Variants in ATP2C2 observed in about 807,000 individuals in gnomAD.
The protein encoded by ATP2C2 is ATPase secretory pathway Ca2+ transporting 2.
ATP2C2 carries 171 observed loss-of-function variants against 110.8 expected under a neutral mutation model. The observed-to-expected ratio is 1.54, with a 90% confidence interval of 1.36 to 1.75. The LOEUF (loss-of-function observed/expected upper bound fraction) is 1.75, where lower values mean the gene tolerates loss of function less well. Ranked by LOEUF, ATP2C2 falls within the 40% of genes most tolerant of loss-of-function variation. The pLI is 0.00. For synonymous variants in ATP2C2, 804 were observed against 508.4 expected (o/e 1.58, Z -7.82); for missense variants, 1,963 against 1,235.0 (o/e 1.59, Z -8.84).
At chr16:84,438,825 C>T (rs1166544194) in intron 11 of ATP2C2, among the ~76,000 whole-genome samples, 1 of 152,202 alleles carries the variant, frequency 6.6e-6, no homozygotes, top group East Asian at 1.9e-4. Context: ...TTGGGAATTC[C>T]TTTTATGGAA....
chr16:84,376,045 A>T (rs1288032447), intron 1 of ATP2C2, among the ~76,000 whole-genome samples: 3 of 152,120 alleles, frequency 2.0e-5, no homozygotes, highest in Non-Finnish European at 4.4e-5. Flanking sequence ...GTGGCGGTGT[A>T]TGAGCGGTGC....
intron 6 of ATP2C2, among the ~76,000 whole-genome samples, chr16:84,413,930 C>T (rs1203541837): frequency 6.6e-6 from 1 of 152,142 alleles, no homozygotes; most frequent in Admixed American, 6.5e-5. Context: ...ACCTCACATT[C>T]CTACCAAGGG....
rs369563382 is a variant in ATP2C2, at chr16:84,408,596, G to C, written c.417+102G>C. On this transcript the variant is annotated intron_variant, in intron 4 of 26. Transcript: ENST00000262429. Reference sequence around the variant, plus strand: ...AAGAAAAAAAAGAGTTTGCTGTAGGGGGGAAAAAGGAGCATACAGAAGAAA... The same window carrying C: ...AAGAAAAAAAAGAGTTTGCTGTAGGCGGGAAAAAGGAGCATACAGAAGAAA... 7 of 883,130 alleles carry C rather than the reference G, an allele frequency of 7.9e-6. No homozygotes were observed. The African/African-American group carries it at 1.2e-4, about 15-fold the overall frequency. The allele number at this position is 883,130 out of a possible 1,614,324, so 54.7% of individuals were successfully genotyped here.
At chr16:84,443,961 G>GT (rs1251722243) in intron 15 of ATP2C2, among the ~76,000 whole-genome samples, 2 of 152,152 alleles carry the variant, frequency 1.3e-5, no homozygotes, top group Non-Finnish European at 2.9e-5. Flanking sequence ...GAGGCCAAGA[G>GT]TTTGAGACCA....
rs559459478 is a variant in ATP2C2 at position 84,393,194 on chromosome 16, A to G, written c.100-5305A>G. Among the ~76,000 whole-genome samples the G allele has an allele frequency of 1.8e-4, 28 of 152,330 alleles. No homozygotes were observed. The South Asian group carries it at 5.8e-3, about 32-fold the overall frequency. On this transcript the variant is annotated intron_variant, in intron 1 of 26. Transcript: ENST00000262429. ...AACAGAGTGGACAATCCTGTTTTCA[A>G]CAAAGGATACATTAAGTGCCATTTA...
intron 2 of ATP2C2, chr16:84,404,802 C>G: frequency 2.8e-6 from 1 of 362,020 alleles, no homozygotes; most frequent in Non-Finnish European, 5.3e-6. Context: ...TTTTACATTC[C>G]CAAGACCTTT....
At chr16:84,420,813 T>C (rs1907265596) in intron 7 of ATP2C2, among the ~76,000 whole-genome samples, 1 of 152,112 alleles carries the variant, frequency 6.6e-6, no homozygotes, top group Non-Finnish European at 1.5e-5. Flanking sequence ...GTTTCGGTTT[T>C]GTTTTTGTTT....
At chr16:84,420,515 T>C (rs1907237065) in intron 7 of ATP2C2, among the ~76,000 whole-genome samples, 1 of 151,700 alleles carries the variant, frequency 6.6e-6, no homozygotes, top group Admixed American at 6.6e-5. Context: ...TAGAAATGTT[T>C]TAGATTTGTG....
chr16:84,371,133 G>A (rs1909929576), intron 1 of ATP2C2, among the ~76,000 whole-genome samples: 1 of 152,226 alleles, frequency 6.6e-6, no homozygotes, highest in South Asian at 2.1e-4. Context: ...TAGAGGACCA[G>A]ACAGAGGACT....
intron 1 of ATP2C2, among the ~76,000 whole-genome samples, chr16:84,387,328 C>T (rs1904371700): frequency 6.6e-6 from 1 of 152,090 alleles, no homozygotes; most frequent in Non-Finnish European, 1.5e-5. Context: ...TCAAGACCAG[C>T]CTGACCAACA....
intron 11 of ATP2C2, among the ~76,000 whole-genome samples, chr16:84,426,748 A>G (rs1308585721): frequency 1.3e-5 from 2 of 152,204 alleles, no homozygotes; most frequent in Non-Finnish European, 2.9e-5. Context: ...CTTGTCTTAC[A>G]GAGGAGGCTA....
rs746453029 is a variant in ATP2C2, at chr16:84,461,742, G to C, written c.2510G>C (p.Arg837Pro). The change falls in exon 25 of 27, where the codon CGC (arginine) becomes CCC (proline). Residue 837 changes from arginine (R) to proline (P), a missense_variant. Physicochemically the swap from Arg to Pro is moderately radical, Grantham distance 103. Transcript: ENST00000262429. ...EMPEDRASTPRTTTMTFTCFV... is the reference protein window; with the variant it reads ...EMPEDRASTPPTTTMTFTCFV... ...CCTGAAGACAGAGCAAGCACTCCCC[G>C]CACCACGACGATGACGTTCACTTGT... 6.2e-7 allele frequency: 1 copy of C among 1,614,160 alleles called. No individual in the cohort carries two copies. Among genetic ancestry groups the C allele is most frequent in the Non-Finnish European group, 8.5e-7 (1 of 1,180,000 alleles).
rs759080438 is a variant in ATP2C2 at position 84,440,947 on chromosome 16, A to G, written c.1300A>G (p.Lys434Glu). The change falls in exon 14 of 27, where the codon AAG becomes GAG. Residue 434 changes from lysine to glutamate, a missense_variant. Coordinates refer to ENST00000262429, the MANE Select transcript of ATP2C2 (RefSeq NM_014861.4). ...IKEFSNVSVG[K>E]LVEAGCVANN... ...GGAATTTTCCAATGTCTCAGTGGGA[A>G]AGTTAGTGGAGGTAGGTGTCAAAAG... 1 of 1,611,386 alleles carries G rather than the reference A, an allele frequency of 6.2e-7. No homozygotes were observed. The highest frequency in any genetic ancestry group is 1.3e-5 in the African/African-American group (1 of 74,864).
chr16:84,423,321 G>C (rs1274687872), intron 10 of ATP2C2, 58 bp downstream of exon 10: 2 of 1,517,592 alleles, frequency 1.3e-6, no homozygotes, highest in African/African-American at 1.4e-5. Context: ...AGCCATCATA[G>C]GGGGGTTGCC....
At chr16:84,460,163 A>T (rs1420373352) in intron 23 of ATP2C2, 7 of 200,792 alleles carry the variant, frequency 3.5e-5, no homozygotes, top group Admixed American at 1.6e-4. Flanking sequence ...CAGAAGTGGG[A>T]CCAGGAAGCT....
intron 1 of ATP2C2, among the ~76,000 whole-genome samples, chr16:84,372,334 C>T (rs1186620571): frequency 6.6e-6 from 1 of 152,200 alleles, no homozygotes; most frequent in African/African-American, 2.4e-5. Flanking sequence ...CTCATGCACA[C>T]ACAACTTTAA....
At chr16:84,427,528 C>G (rs1404844014) in intron 11 of ATP2C2, among the ~76,000 whole-genome samples, 1 of 152,092 alleles carries the variant, frequency 6.6e-6, no homozygotes, top group Non-Finnish European at 1.5e-5. Context: ...ACCAGTCTGG[C>G]CAACATGGTG....
chr16:84,396,390 A>AC (rs373463852), intron 1 of ATP2C2, among the ~76,000 whole-genome samples: 4 of 151,772 alleles, frequency 2.6e-5, no homozygotes, highest in African/African-American at 9.7e-5. Flanking sequence ...TACTAAAAAT[A>AC]CAAAAACAAA....
At chr16:84,433,423 C>A (rs1236279618) in intron 11 of ATP2C2, among the ~76,000 whole-genome samples, 1 of 151,110 alleles carries the variant, frequency 6.6e-6, no homozygotes, top group Non-Finnish European at 1.5e-5. Context: ...CCAAAAAAAT[C>A]TCCTGCAGAT....
Sources: gnomAD v4.1 joint callset for allele counts (sites outside exome capture counted in the v4.1 genomes callset) on GRCh38, gnomAD v4.1.1 for gene constraint, MANE v1.5 for transcripts, NCBI Gene and HGNC (gene_info 2026-07-23, HGNC 2026-07-21) for gene names.